Variants in SEMA5B observed in about 807,000 individuals in gnomAD.
SEMA5B encodes semaphorin-5B.
SEMA5B carries 66 observed loss-of-function variants against 135.0 expected under a neutral mutation model. That is an observed-to-expected ratio of 0.49 (90% CI 0.40 to 0.60). The LOEUF is 0.60. Ranked by LOEUF, SEMA5B falls within the 20% of genes least tolerant of loss-of-function variation. The pLI is 0.00. For missense variants in SEMA5B, 1,501 were observed against 1,566.3 expected (o/e 0.96, Z 0.70); for synonymous variants, 690 against 639.5 (o/e 1.08, Z -1.19).
In SEMA5B at chr3:122,936,720, T is replaced by G. The variant is rs1165660940; in HGVS notation, c.474+2705A>C. On this transcript the variant is annotated intron_variant, in intron 5 of 22. Coordinates refer to ENST00000357599, the MANE Select transcript of SEMA5B (RefSeq NM_001031702.4). ...TCACTAGCCTCCTTTTCTTTCCCAG[T>G]ACCAGTTTATTAAGTTACACTGATA... Among the ~76,000 whole-genome samples, 9 of 152,214 alleles carry G rather than the reference T, an allele frequency of 5.9e-5. No homozygotes were observed. The East Asian group carries it at 1.7e-3, about 29-fold the overall frequency.
chr3:122,966,611 G>A (rs1276115696), intron 1 of SEMA5B, among the ~76,000 whole-genome samples: 1 of 149,866 alleles, frequency 6.7e-6, no homozygotes, highest in African/African-American at 2.5e-5. Flanking sequence ...CTGGAGTGCA[G>A]TGGCGTGATC....
intron 1 of SEMA5B, among the ~76,000 whole-genome samples, chr3:122,995,040 G>A (rs1941993370): frequency 6.6e-6 from 1 of 152,154 alleles, no homozygotes; most frequent in African/African-American, 2.4e-5. Context: ...TGTAAACCCA[G>A]AGAGAAGAGG....
At chr3:123,025,276 G>GT (rs58046355) in intron 1 of SEMA5B, among the ~76,000 whole-genome samples, 4 of 151,962 alleles carry the variant, frequency 2.6e-5, no homozygotes, top group Admixed American at 6.6e-5. Context: ...GAGTCATCGA[G>GT]TTTTTTTTAA....
rs563514097 is a variant in SEMA5B at position 122,922,041 on chromosome 3, G to A, written c.1562C>T (p.Pro521Leu). The A allele has an allele frequency of 2.0e-6, 3 of 1,495,844 alleles. No individual in the cohort carries two copies. The highest frequency in any genetic ancestry group is 4.9e-5 in the East Asian group (2 of 40,960). 92.7% of individuals were successfully genotyped at this position (1,495,844 alleles called of 1,614,324 possible). A position where few individuals can be genotyped will look rare whatever the true frequency, so the allele number is the denominator to read the frequency against. Residue 521 changes from proline to leucine, a missense_variant, in exon 12 of 23, where the codon CCC (proline) becomes CTC (leucine). By Grantham distance (98) the Pro-to-Leu change is moderately conservative (BLOSUM62 -3). Coordinates refer to ENST00000357599, the MANE Select transcript of SEMA5B (RefSeq NM_001031702.4). ...GCGCAGGGGCTCGCGGCGCCCGGGG[G>A]GCAGCACGTGCAGCTCCTCCAGGTA... is the stretch of plus-strand genomic sequence containing the variant. ...GCYLEELHVLPPGRREPLRSL... is the reference protein window; with the variant it reads ...GCYLEELHVLLPGRREPLRSL...
chr3:122,911,631 C>T (rs577214069), intron 20 of SEMA5B, 96 bp from the exon 21 acceptor site: 46 of 1,303,456 alleles, frequency 3.5e-5, no homozygotes, highest in South Asian at 3.3e-4. Flanking sequence ...TCTAGGTCAA[C>T]GCTCAGACGT....
At chr3:122,935,508 A>C (rs906553411) in intron 5 of SEMA5B, among the ~76,000 whole-genome samples, 9 of 152,038 alleles carry the variant, frequency 5.9e-5, no homozygotes, top group African/African-American at 2.2e-4. Flanking sequence ...CCTGGGTCCC[A>C]ACCCTTTAAT....
upstream of SEMA5B, among the ~76,000 whole-genome samples, chr3:123,027,968 C>T (rs936991838): frequency 4.6e-5 from 7 of 152,282 alleles, no homozygotes; most frequent in East Asian, 1.4e-3. Flanking sequence ...CGACTCCCGC[C>T]CCGGGCCTGC....
chr3:122,981,857 G>A (rs1208126757), intron 1 of SEMA5B, among the ~76,000 whole-genome samples: 1 of 152,212 alleles, frequency 6.6e-6, no homozygotes, highest in South Asian at 2.1e-4. Flanking sequence ...AGGCAACCAG[G>A]ATCTGGTGTG....
In SEMA5B at chr3:122,922,079, G is replaced by A; in HGVS notation, c.1524C>T (p.Ser508=). Residue 508 remains serine, a synonymous_variant, in exon 12 of 23, where the codon AGC becomes AGT. Coordinates refer to ENST00000357599, the MANE Select transcript of SEMA5B (RefSeq NM_001031702.4). ...ILKALSTASR[S]LHGCYLEELH... is the part of the protein sequence containing the mutation. ...GCTCCTCCAGGTAGCAGCCGTGGAG[G>A]CTGCGGCTCGCCGTGGACAGCGCCT... 8 of 1,493,134 alleles carry A rather than the reference G, an allele frequency of 5.4e-6. No individual in the cohort carries two copies. In the South Asian group the frequency reaches 9.5e-5, roughly 18 times the overall value. 92.5% of individuals were successfully genotyped at this position (1,493,134 alleles called of 1,614,324 possible).
chr3:122,976,223 C>T (rs79163333), intron 1 of SEMA5B: 1 of 1,420,162 alleles, frequency 7.0e-7, no homozygotes, highest in Admixed American at 2.2e-5. Flanking sequence ...AGCATCTGCA[C>T]CTCCTGGGAA....
chr3:122,914,801 G>T (rs1216811925), intron 14 of SEMA5B, among the ~76,000 whole-genome samples: 7 of 152,132 alleles, frequency 4.6e-5, no homozygotes, highest in Admixed American at 4.6e-4. Context: ...GCTGGGTATG[G>T]TGTGGGCACC....
intron 1 of SEMA5B, among the ~76,000 whole-genome samples, chr3:123,025,758 A>G (rs1942783254): frequency 6.6e-6 from 1 of 152,198 alleles, no homozygotes; most frequent in African/African-American, 2.4e-5. Context: ...AAGGCCCAGA[A>G]CAGTTCTCAC....
chr3:122,997,518 T>TCTCC (rs764169923), intron 1 of SEMA5B, among the ~76,000 whole-genome samples: 6 of 142,770 alleles, frequency 4.2e-5, no homozygotes, highest in East Asian at 2.0e-4. Context: ...CCCAGGCCTC[T>TCTCC]CCCCCCCCCG....
At chr3:122,920,506 T>C (rs1255237898) in intron 12 of SEMA5B, among the ~76,000 whole-genome samples, 1 of 152,194 alleles carries the variant, frequency 6.6e-6, no homozygotes, top group Admixed American at 6.5e-5. Context: ...CTAAATGCAT[T>C]TGGGGAGATA....
At chr3:122,991,981 G>A (rs1435852196) in intron 1 of SEMA5B, among the ~76,000 whole-genome samples, 2 of 152,166 alleles carry the variant, frequency 1.3e-5, no homozygotes, top group African/African-American at 2.4e-5. Flanking sequence ...GATACAGGAA[G>A]CATGTGGCGA....
At position 122,922,349 on chromosome 3, in the gene SEMA5B, C is replaced by T. The variant is rs142668051; in HGVS notation, c.1371G>A (p.Pro457=). The T allele has an allele frequency of 6.2e-7, 1 of 1,613,506 alleles. No individual in the cohort carries two copies. Among genetic ancestry groups the T allele is most frequent in the Admixed American group, 1.7e-5 (1 of 59,954 alleles). The change falls in exon 11 of 23, where the codon CCG becomes CCA. Residue 457 remains proline, a synonymous_variant. Transcript: ENST00000357599. The stretch of plus-strand genomic sequence containing the variant: ...GGGTGACACAGGGCTCGGGTGTCAC[C>T]GGCTGCACGGCCTCGCTCATCAGGA... The part of the protein sequence containing the change: ...RLFLMSEAVQ[P]VTPEPCVTQD...
Position 122,927,849 on chromosome 3 carries a change from C to T in SEMA5B, c.791G>A (p.Arg264His), listed in dbSNP as rs768760804. 11 of 1,582,822 alleles carry T rather than the reference C, an allele frequency of 6.9e-6. No homozygotes were observed. The highest frequency in any genetic ancestry group is 1.8e-5 in the Admixed American group (1 of 56,382). ...DFSGRDPAIYRSLGSGPPLRT... is the reference protein window; with the variant it reads ...DFSGRDPAIYHSLGSGPPLRT... ...AAGCGGTGGCCCACTGCCCAGGCTG[C>T]GGTAGATGGCAGGGTCCCGACCTGA... Residue 264 changes from arginine to histidine, a missense_variant, in exon 8 of 23, where the codon CGC becomes CAC. This residue lies in a region of SEMA5B where 574 missense variants were observed against 684.7 expected (regional missense o/e 0.84). Transcript: ENST00000357599.
intron 3 of SEMA5B, among the ~76,000 whole-genome samples, chr3:122,944,389 T>C (rs1402701242): frequency 1.3e-5 from 2 of 152,124 alleles, no homozygotes; most frequent in African/African-American, 4.8e-5. Context: ...GCTAAAGGGC[T>C]CCCATAGTCT....
chr3:122,934,687 G>A (rs142056219), intron 5 of SEMA5B, among the ~76,000 whole-genome samples: 1 of 152,214 alleles, frequency 6.6e-6, no homozygotes, highest in East Asian at 1.9e-4. Flanking sequence ...TGGACATTTA[G>A]TGATATGAAG....
Sources: allele counts gnomAD v4.1 joint callset (sites outside exome capture counted in the v4.1 genomes callset), GRCh38; gene constraint gnomAD v4.1.1; regional missense constraint gnomAD v4.1.1; transcripts MANE v1.5; gene names NCBI Gene and HGNC (gene_info 2026-07-23, HGNC 2026-07-21).